The following ABHD12 variants were observed in gnomAD, a reference collection of about 807,000 sequenced individuals.
ABHD12 encodes abhydrolase domain containing 12, lysophospholipase.
ABHD12 carries 43 observed loss-of-function variants against 58.3 expected under a neutral mutation model. The observed-to-expected ratio is 0.74, with a 90% CI of 0.58 to 0.95. The LOEUF is 0.95. Among genes scored for constraint, ABHD12 ranks in the 40% least tolerant of loss-of-function variants. The pLI is 0.00. For synonymous variants in ABHD12, 219 were observed against 211.2 expected, an observed-to-expected ratio of 1.04 and a Z score of -0.32; for missense variants, 539 against 537.2, an observed-to-expected ratio of 1.00 and a Z score of -0.03.
chr20:25,386,513 GC>G (rs2090093079), intron 1 of ABHD12, among the ~76,000 whole-genome samples: 1 of 151,782 alleles, frequency 6.6e-6, no homozygotes, highest in Non-Finnish European at 1.5e-5. Context: ...GCCTGCCTCG[GC>G]CTCCCAAAGT....
chr20:25,316,913 G>C, intron 5 of ABHD12, 135 bp downstream of exon 5: 1 of 812,052 alleles, frequency 1.2e-6, no homozygotes, highest in Admixed American at 1.9e-5. Flanking sequence ...GGCAACAGAG[G>C]AGGAGGACCC....
At chr20:25,313,535 C>T (rs1276288855) in intron 6 of ABHD12, among the ~76,000 whole-genome samples, 3 of 151,366 alleles carry the variant, frequency 2.0e-5, no homozygotes, top group Admixed American at 2.0e-4. Flanking sequence ...TGTCCTATGA[C>T]CCTGCCAAAT....
intron 1 of ABHD12, chr20:25,368,615 G>A (rs2089856776): frequency 1.2e-5 from 16 of 1,381,332 alleles, no homozygotes; most frequent in South Asian, 2.3e-5. Context: ...CTGTGAAAGC[G>A]GAAACCCTTA....
chr20:25,366,530 T>A (rs1024378210), intron 1 of ABHD12, among the ~76,000 whole-genome samples: 1 of 152,206 alleles, frequency 6.6e-6, no homozygotes, highest in African/African-American at 2.4e-5. Flanking sequence ...CTTCCCAAAG[T>A]GCTGGGATTA....
intron 1 of ABHD12, among the ~76,000 whole-genome samples, chr20:25,369,685 C>T (rs2089872851): frequency 6.6e-6 from 1 of 152,140 alleles, no homozygotes; most frequent in South Asian, 2.1e-4. Flanking sequence ...ATGTTGTGTC[C>T]ACAGGTTTAA....
intron 1 of ABHD12, among the ~76,000 whole-genome samples, chr20:25,356,189 A>T (rs972633590): frequency 1.3e-5 from 2 of 152,206 alleles, no homozygotes; most frequent in Non-Finnish European, 2.9e-5. Flanking sequence ...CAAGGGAAAA[A>T]ACACATCCAG....
intron 1 of ABHD12, 36 bp downstream of exon 1, chr20:25,390,477 G>GGCCCCC: frequency 5.1e-5 from 5 of 98,468 alleles, no homozygotes; most frequent in Non-Finnish European, 5.4e-5. Context: ...TGAGGGACCG[G>GGCCCCC]CCCCCCCCCC....
chr20:25,369,359 C>T (rs1275951054), intron 1 of ABHD12, among the ~76,000 whole-genome samples: 2 of 152,136 alleles, frequency 1.3e-5, no homozygotes, highest in Non-Finnish European at 2.9e-5. Context: ...GCAGCAACAG[C>T]TACCAAATCT....
intron 1 of ABHD12, among the ~76,000 whole-genome samples, chr20:25,384,807 C>G (rs1376274086): frequency 6.6e-6 from 1 of 152,190 alleles, no homozygotes; most frequent in Non-Finnish European, 1.5e-5. Flanking sequence ...ACTGGACAAT[C>G]TGGCCACTCT....
At chr20:25,330,323 A>G (rs2146002553) in intron 2 of ABHD12, among the ~76,000 whole-genome samples, 1 of 152,338 alleles carries the variant, frequency 6.6e-6, no homozygotes, top group South Asian at 2.1e-4. Context: ...ACGCCCACGG[A>G]GTCTCGCTGA....
At chr20:25,298,919 G>T (rs1009165027), downstream of ABHD12, among the ~76,000 whole-genome samples, 1 of 152,162 alleles carries the variant, frequency 6.6e-6, no homozygotes, top group African/African-American at 2.4e-5. Flanking sequence ...GCACCAAGGT[G>T]GTGCCCTGGG....
intron 1 of ABHD12, among the ~76,000 whole-genome samples, chr20:25,382,169 C>G (rs1304945391): frequency 6.6e-6 from 1 of 152,226 alleles, no homozygotes; most frequent in African/African-American, 2.4e-5. Context: ...GAAAACTCAC[C>G]TGAGACCTGG....
At chr20:25,346,830 A>G (rs976668242) in intron 1 of ABHD12, among the ~76,000 whole-genome samples, 1 of 152,096 alleles carries the variant, frequency 6.6e-6, no homozygotes, top group Non-Finnish European at 1.5e-5. Flanking sequence ...TGTTTTTAGT[A>G]GAGACAAGTT....
intron 1 of ABHD12, among the ~76,000 whole-genome samples, chr20:25,353,094 A>T (rs1035249148): frequency 6.6e-6 from 1 of 152,242 alleles, no homozygotes; most frequent in African/African-American, 2.4e-5. Context: ...CTGTCATCTA[A>T]TTATGAAGGA....
At chr20:25,324,850 G>C (rs1761148901) in intron 2 of ABHD12, among the ~76,000 whole-genome samples, 1 of 152,146 alleles carries the variant, frequency 6.6e-6, no homozygotes, top group African/African-American at 2.4e-5. Context: ...TTAGTAAGAA[G>C]TTTCTCTCAA....
intron 1 of ABHD12, among the ~76,000 whole-genome samples, chr20:25,371,182 T>G (rs1029649469): frequency 6.6e-6 from 1 of 152,138 alleles, no homozygotes; most frequent in Non-Finnish European, 1.5e-5. Context: ...GGACTGGTGG[T>G]CACGGTTCCT....
downstream of ABHD12, chr20:25,296,486 C>T (rs1324484107): frequency 1.2e-6 from 2 of 1,613,838 alleles, no homozygotes; most frequent in South Asian, 2.2e-5. Flanking sequence ...AGCCCTCCGA[C>T]CTGCAGATCC....
In ABHD12 at chr20:25,365,818, G is replaced by A. The variant is rs567536136; in HGVS notation, c.191+24695C>T. Among the ~76,000 whole-genome samples, 9 of 152,244 alleles carry A rather than the reference G, an allele frequency of 5.9e-5. No individual in the cohort carries two copies. In the East Asian group the frequency reaches 1.7e-3, roughly 29 times the overall value. On this transcript the variant is annotated intron_variant, in intron 1 of 12. Transcript: ENST00000339157. ...AATCCCAGCAATTTGAGAGGCTGAG[G>A]TGGGAGGATTGCTTGAGGCCAGGAG...
chr20:25,390,739 G>A lies in ABHD12; in HGVS notation c.-36C>T, dbSNP rs1051704830. 4.7e-6 allele frequency: 4 copies of A among 847,518 alleles called. No homozygotes were observed. Among genetic ancestry groups the A allele is most frequent in the South Asian group, 3.1e-5 (1 of 32,198 alleles). 52.5% of individuals were successfully genotyped at this position (847,518 alleles called of 1,614,324 possible). A position where few individuals can be genotyped will look rare whatever the true frequency, so the allele number is the denominator to read the frequency against. ...ACAGGGCCAGCCGCCGACGGCGCCC[G>A]CTGGCCTGCGCCGCAGTGCCGCCGC... On this transcript the variant is annotated 5_prime_UTR_variant, in exon 1 of 13. Transcript: ENST00000339157.
Sources: gnomAD v4.1 joint callset for allele counts (sites outside exome capture counted in the v4.1 genomes callset) on GRCh38, gnomAD v4.1.1 for gene constraint, MANE v1.5 for transcripts, NCBI Gene and HGNC (gene_info 2026-07-23, HGNC 2026-07-21) for gene names.